Variants in PCDHGB4 observed in about 807,000 individuals in gnomAD.
The protein encoded by PCDHGB4 is protocadherin gamma-B4.
In PCDHGB4, 38 loss-of-function variants were observed where a neutral mutation model predicts 60.5. The observed-to-expected ratio is 0.63, with a 90% CI of 0.48 to 0.82. PCDHGB4 has a LOEUF of 0.82. Ranked by LOEUF, PCDHGB4 falls within the 40% of genes least tolerant of loss-of-function variation. The pLI is 0.00. For synonymous variants in PCDHGB4, 456 were observed against 509.7 expected (o/e 0.89, Z 1.42); for missense variants, 1,109 against 1,209.6 (o/e 0.92, Z 1.23).
intron 1 of PCDHGB4, among the ~76,000 whole-genome samples, chr5:141,433,805 C>T (rs1325364387): frequency 1.3e-5 from 2 of 150,004 alleles, no homozygotes; most frequent in South Asian, 4.2e-4. Flanking sequence ...CCATTGCACT[C>T]CAGCCTGGGC....
At chr5:141,505,913 T>C (rs1457583355) in intron 3 of PCDHGB4, among the ~76,000 whole-genome samples, 1 of 152,098 alleles carries the variant, frequency 6.6e-6, no homozygotes, top group African/African-American at 2.4e-5. Context: ...AAGCATAGAG[T>C]TCTGGGCCTG....
At chr5:141,484,135 A>G (rs181630887) in intron 1 of PCDHGB4, among the ~76,000 whole-genome samples, 6 of 152,270 alleles carry the variant, frequency 3.9e-5, no homozygotes, top group Admixed American at 1.3e-4. Flanking sequence ...GTGTCAGATA[A>G]AGGGAATTTG....
chr5:141,440,330 G>A (rs1377511406), intron 1 of PCDHGB4: 1 of 152,162 alleles, frequency 6.6e-6, no homozygotes, highest in Non-Finnish European at 1.5e-5. Context: ...ACTGGGCATG[G>A]TGGTGCAGGC....
At chr5:141,466,123 A>G (rs961197575) in intron 1 of PCDHGB4, among the ~76,000 whole-genome samples, 1 of 151,364 alleles carries the variant, frequency 6.6e-6, no homozygotes, top group African/African-American at 2.4e-5. Flanking sequence ...CTCCAGCTCA[A>G]AAAAAAAATC....
In PCDHGB4 at chr5:141,431,354, G is replaced by T. The variant is rs777198567; in HGVS notation, c.2397+41073G>T. The T allele has an allele frequency of 1.9e-6, 3 of 1,614,036 alleles. No individual in the cohort carries two copies. In the South Asian group the frequency reaches 3.3e-5, roughly 18 times the overall value. ...GTACCCCGAATTGGTGCTGAAACGC[G>T]CCCTGGACCGCGAAGAAAAGGCTGC... On this transcript the variant is annotated intron_variant, in intron 1 of 3. Coordinates refer to ENST00000519479, the MANE Select transcript of PCDHGB4 (RefSeq NM_003736.4). This position sits in a 1 kb window ranked among gnomAD's most constrained non-coding sequence, Gnocchi z 4.8.
chr5:141,403,863 C>CA (rs1449407003), intron 1 of PCDHGB4: 1 of 1,613,374 alleles, frequency 6.2e-7, no homozygotes, highest in Non-Finnish European at 8.5e-7. Flanking sequence ...ATATCAACAG[C>CA]AAAAAGTCTA....
intron 1 of PCDHGB4, chr5:141,398,172 A>G (rs1386610242): frequency 6.1e-6 from 9 of 1,476,892 alleles, no homozygotes; most frequent in Non-Finnish European, 7.2e-6. Context: ...AGAGGCTGCC[A>G]GTGCTCTTTC....
Position 141,407,977 on chromosome 5 carries a change from G to T in PCDHGB4, c.2397+17696G>T, listed in dbSNP as rs943554200. ...GTGCAGAGCAAGCGCTGACGCCGGG[G>T]ATCCGTCAGCCTCTGGCCTGGGATT... On this transcript the variant is annotated intron_variant, in intron 1 of 3. Coordinates refer to ENST00000519479, the MANE Select transcript of PCDHGB4 (RefSeq NM_003736.4). 65 of 747,656 alleles carry T rather than the reference G, an allele frequency of 8.7e-5. No individual in the cohort carries two copies. The African/African-American group carries it at 1.0e-3, about 12-fold the overall frequency. The allele number at this position is 747,656 out of a possible 1,614,324, so 46.3% of individuals were successfully genotyped here. A position where few individuals can be genotyped will look rare whatever the true frequency, so the allele number is the denominator to read the frequency against.
chr5:141,392,615 C>A (rs2092564205), intron 1 of PCDHGB4: 1 of 536,798 alleles, frequency 1.9e-6, no homozygotes, highest in Non-Finnish European at 3.2e-6. Context: ...CAAATGCAAC[C>A]GAAAACACTC....
intron 1 of PCDHGB4, chr5:141,403,283 G>A: frequency 6.2e-7 from 1 of 1,613,914 alleles, no homozygotes; most frequent in South Asian, 1.1e-5. Context: ...AGTCCTGGTT[G>A]AAGACAGAGT....
At chr5:141,409,832 G>A (rs777679132) in intron 1 of PCDHGB4, 20 of 1,610,814 alleles carry the variant, frequency 1.2e-5, no homozygotes, top group Non-Finnish European at 1.6e-5. Context: ...CACGCTCAGC[G>A]CCAACGTGAG....
At chr5:141,393,316 A>T (rs2092726404) in intron 1 of PCDHGB4, 2 of 1,612,964 alleles carry the variant, frequency 1.2e-6, no homozygotes, top group Non-Finnish European at 1.7e-6. Flanking sequence ...AACTCCCTCC[A>T]GAGCTACCAG....
chr5:141,478,589 T>C, intron 1 of PCDHGB4: 2 of 1,573,336 alleles, frequency 1.3e-6, no homozygotes, highest in Non-Finnish European at 1.7e-6. Context: ...AGTGCTTTTT[T>C]ATTCCTACAT....
intron 1 of PCDHGB4, among the ~76,000 whole-genome samples, chr5:141,429,387 T>TAA (rs11410533): frequency 2.6e-5 from 4 of 151,334 alleles, no homozygotes; most frequent in African/African-American, 4.9e-5. Flanking sequence ...GTTTTTTTTT[T>TAA]AAAAAAAATT....
chr5:141,484,121 C>A (rs1451102473), intron 1 of PCDHGB4, among the ~76,000 whole-genome samples: 1 of 152,152 alleles, frequency 6.6e-6, no homozygotes, highest in African/African-American at 2.4e-5. Context: ...TCAAGAATAC[C>A]TTGGTGTCAG....
intron 1 of PCDHGB4, chr5:141,409,991 G>A: frequency 6.2e-6 from 10 of 1,613,320 alleles, no homozygotes; most frequent in Non-Finnish European, 7.6e-6. Flanking sequence ...GGTGGACGCC[G>A]ACTCGGGACA....
intron 1 of PCDHGB4, chr5:141,393,783 G>C: frequency 6.2e-7 from 1 of 1,613,982 alleles, no homozygotes. Context: ...AGCCGAAGAT[G>C]TGGGGGCACT....
rs780310968 is a variant in PCDHGB4 at position 141,414,168 on chromosome 5, T to G, written c.2397+23887T>G. The G allele has an allele frequency of 5.6e-6, 9 of 1,605,598 alleles. No individual in the cohort carries two copies. The African/African-American group carries it at 1.2e-4, about 21-fold the overall frequency. ...TACAAGCAGAAGATGGAGGAGCATA[T>G]CTTGCAACTGCAAAAGTGTTGATTA... On this transcript the variant is annotated intron_variant, in intron 1 of 3. Coordinates refer to ENST00000519479, the MANE Select transcript of PCDHGB4 (RefSeq NM_003736.4).
At chr5:141,398,023 G>C in intron 1 of PCDHGB4, 1 of 1,438,566 alleles carries the variant, frequency 7.0e-7, no homozygotes, top group Non-Finnish European at 9.3e-7. Context: ...TCCTAAACTG[G>C]AACTGGAACT....
Sources: allele counts gnomAD v4.1 joint callset (sites outside exome capture counted in the v4.1 genomes callset), GRCh38; gene constraint gnomAD v4.1.1; non-coding constraint Gnocchi (gnomAD v3.1); transcripts MANE v1.5; gene names NCBI Gene and HGNC (gene_info 2026-07-23, HGNC 2026-07-21).